The following FAF1 variants were observed in gnomAD, a reference collection of about 807,000 sequenced individuals.
The protein encoded by FAF1 is Fas associated factor 1.
In FAF1, 25 loss-of-function variants were observed where a neutral mutation model predicts 92.5. That is an observed-to-expected ratio of 0.27 (90% CI 0.20 to 0.38). The LOEUF (loss-of-function observed/expected upper bound fraction) is 0.38. Ranked by LOEUF, FAF1 falls within the 10% of genes least tolerant of loss-of-function variation. The pLI is 1.00. For synonymous variants in FAF1, 234 were observed against 273.2 expected (o/e 0.86, Z 1.42); for missense variants, 636 against 793.3 (o/e 0.80, Z 2.38).
chr1:50,941,377 T>A (rs1327762805), intron 1 of FAF1, among the ~76,000 whole-genome samples: 1 of 152,072 alleles, frequency 6.6e-6, no homozygotes, highest in Non-Finnish European at 1.5e-5. Context: ...GCCCAGCTAA[T>A]TTTTGTATTT....
In FAF1 at chr1:50,583,759, C is replaced by G; in HGVS notation, c.968-44G>C. Reference sequence around the variant, plus strand: ...AAAAAACAAAAACAAAAAAACAAAACAAATAGACACAAAAACAAACCACAT... The same window carrying G: ...AAAAAACAAAAACAAAAAAACAAAAGAAATAGACACAAAAACAAACCACAT... On this transcript the variant is annotated intron_variant, in intron 10 of 18. Coordinates refer to ENST00000396153, the MANE Select transcript of FAF1 (RefSeq NM_007051.3). The surrounding 1 kb of genome is among the most constrained non-coding windows in gnomAD (Gnocchi z 4.2). 2.3e-6 allele frequency: 3 copies of G among 1,291,508 alleles called. No homozygotes were observed. The East Asian group carries it at 7.1e-5, about 31-fold the overall frequency. 80.0% of individuals were successfully genotyped at this position (1,291,508 alleles called of 1,614,324 possible).
intron 18 of FAF1, among the ~76,000 whole-genome samples, chr1:50,472,647 T>C (rs1001409963): frequency 6.6e-6 from 1 of 152,064 alleles, no homozygotes; most frequent in African/African-American, 2.4e-5. Flanking sequence ...ACTTACCAGG[T>C]CCTCTGCTGA....
chr1:50,875,402 C>T (rs1644562297), intron 1 of FAF1, among the ~76,000 whole-genome samples: 1 of 152,078 alleles, frequency 6.6e-6, no homozygotes, highest in African/African-American at 2.4e-5. Flanking sequence ...TTGGTGAGAA[C>T]ACCTACAATC....
At chr1:50,696,338 G>C (rs1189272578) in intron 7 of FAF1, among the ~76,000 whole-genome samples, 4 of 152,098 alleles carry the variant, frequency 2.6e-5, no homozygotes, top group Non-Finnish European at 5.9e-5. Flanking sequence ...GGGAGAAAAT[G>C]TTCTCTTGGG....
chr1:50,555,809 A>G (rs763201392), intron 13 of FAF1, among the ~76,000 whole-genome samples: 2 of 152,164 alleles, frequency 1.3e-5, no homozygotes, highest in Non-Finnish European at 2.9e-5. Flanking sequence ...ACCTGCATGC[A>G]TATGTTTATT....
chr1:50,671,910 G>C (rs1655898623), intron 7 of FAF1, among the ~76,000 whole-genome samples: 1 of 151,538 alleles, frequency 6.6e-6, no homozygotes, highest in Non-Finnish European at 1.5e-5. Context: ...GGATTCATCT[G>C]ATCCTCCTGC....
intron 4 of FAF1, among the ~76,000 whole-genome samples, chr1:50,772,313 GAA>G (rs1660803203): frequency 6.6e-6 from 1 of 152,118 alleles, no homozygotes; most frequent in Non-Finnish European, 1.5e-5. Context: ...ACTTAAGAAA[GAA>G]TTACCGTCCT....
At chr1:50,951,631 C>T (rs573547157) in intron 1 of FAF1, among the ~76,000 whole-genome samples, 1 of 152,276 alleles carries the variant, frequency 6.6e-6, no homozygotes, top group South Asian at 2.1e-4. Context: ...ATGCAAAAAC[C>T]TTATTTTCCC....
intron 13 of FAF1, among the ~76,000 whole-genome samples, chr1:50,554,601 C>G (rs997707111): frequency 6.6e-6 from 1 of 152,026 alleles, no homozygotes. Context: ...AAGAAAATTA[C>G]TGTCGTCTTC....
intron 6 of FAF1, among the ~76,000 whole-genome samples, chr1:50,726,462 C>T (rs531871776): frequency 2.0e-5 from 3 of 150,992 alleles, no homozygotes; most frequent in Admixed American, 6.6e-5. Flanking sequence ...TTTGGGTGGC[C>T]GAGGCGGACA....
chr1:50,637,910 T>G (rs887408276), intron 8 of FAF1, among the ~76,000 whole-genome samples: 3 of 149,306 alleles, frequency 2.0e-5, no homozygotes, highest in Non-Finnish European at 4.4e-5. Flanking sequence ...TAAGATAAAT[T>G]TGTGTATATA....
At chr1:50,655,809 T>C (rs1375216410) in intron 7 of FAF1, among the ~76,000 whole-genome samples, 1 of 152,182 alleles carries the variant, frequency 6.6e-6, no homozygotes, top group East Asian at 1.9e-4. Flanking sequence ...GTCAAGAAAC[T>C]TCAGGCACCC....
intron 1 of FAF1, among the ~76,000 whole-genome samples, chr1:50,866,357 A>G (rs1644481584): frequency 6.6e-6 from 1 of 152,142 alleles, no homozygotes; most frequent in Admixed American, 6.6e-5. Context: ...AGACAAGAGA[A>G]AGAAATAAAG....
intron 9 of FAF1, among the ~76,000 whole-genome samples, chr1:50,594,630 G>C (rs913615358): frequency 9.3e-5 from 14 of 151,186 alleles, no homozygotes; most frequent in Non-Finnish European, 2.1e-4. Context: ...GAGGCCGGGG[G>C]GGGTGGGGGT....
chr1:50,601,201 T>C (rs1337273081), intron 8 of FAF1, among the ~76,000 whole-genome samples: 1 of 152,222 alleles, frequency 6.6e-6, no homozygotes, highest in Non-Finnish European at 1.5e-5. Context: ...TATTATTCTT[T>C]ATGTTATTCT....
At chr1:50,554,181 G>A (rs761675741) in intron 13 of FAF1, among the ~76,000 whole-genome samples, 8 of 150,330 alleles carry the variant, frequency 5.3e-5, no homozygotes, top group Non-Finnish European at 8.9e-5. Context: ...CATTCAGCAT[G>A]GCAAGATCAT....
At chr1:50,550,429 T>C (rs1649258765) in intron 13 of FAF1, among the ~76,000 whole-genome samples, 1 of 147,202 alleles carries the variant, frequency 6.8e-6, no homozygotes, top group African/African-American at 2.5e-5. Context: ...CTTTAACAGA[T>C]AAGTGACCAG....
intron 4 of FAF1, among the ~76,000 whole-genome samples, chr1:50,758,947 A>G (rs1361594292): frequency 6.6e-6 from 1 of 151,948 alleles, no homozygotes; most frequent in Non-Finnish European, 1.5e-5. Flanking sequence ...GGTTCACACC[A>G]TTCTCCTGCC....
intron 6 of FAF1, among the ~76,000 whole-genome samples, chr1:50,712,650 T>C (rs1163489366): frequency 2.0e-5 from 3 of 151,928 alleles, no homozygotes; most frequent in Non-Finnish European, 2.9e-5. Flanking sequence ...AGAGAGACTC[T>C]GTTGTAAAAG....
Sources: gnomAD v4.1 joint callset for allele counts (sites outside exome capture counted in the v4.1 genomes callset) on GRCh38, gnomAD v4.1.1 for gene constraint, Gnocchi (gnomAD v3.1) non-coding constraint, MANE v1.5 for transcripts, NCBI Gene and HGNC (gene_info 2026-07-23, HGNC 2026-07-21) for gene names.